The following TAS1R3 variants were observed in gnomAD, a reference collection of about 807,000 sequenced individuals.
TAS1R3 encodes taste 1 receptor member 3, also known as taste receptor type 1 member 3.
Under a neutral mutation model 46.1 loss-of-function variants are expected in TAS1R3, and 58 were observed. That is an observed-to-expected ratio of 1.26 (90% CI 1.02 to 1.57). The LOEUF is 1.57. Ranked by LOEUF, TAS1R3 falls within the 40% of genes most tolerant of loss-of-function variation. The pLI is 0.00. For synonymous variants in TAS1R3, 724 were observed against 544.7 expected, an observed-to-expected ratio of 1.33 and a Z score of -4.58; for missense variants, 1,422 against 1,185.8, an observed-to-expected ratio of 1.20 and a Z score of -2.93.
Position 1,332,739 on chromosome 1 carries a change from C to G in TAS1R3, c.1208C>G (p.Ala403Gly). 1 of 1,604,974 alleles carries G rather than the reference C, an allele frequency of 6.2e-7. No homozygotes were observed. Among genetic ancestry groups the G allele is most frequent in the Non-Finnish European group, 8.5e-7 (1 of 1,179,904 alleles). The change falls in exon 3 of 6, where the codon GCC (alanine) becomes GGC (glycine). Residue 403 changes from alanine to glycine, a missense_variant. Transcript: ENST00000339381. ...GCAGCTGTGTATAGCGTGGCCCAGG[C>G]CCTGCACAACACTCTTCAGTGCAAC... is the stretch of plus-strand genomic sequence containing the variant. Reference protein sequence around the residue: ...VYAAVYSVAQALHNTLQCNAS... With the variant: ...VYAAVYSVAQGLHNTLQCNAS...
At chr1:1,331,611 G>C (rs769432976) in intron 1 of TAS1R3, 27 bp from the exon 2 acceptor site, 2 of 1,606,188 alleles carry the variant, frequency 1.2e-6, no homozygotes, top group Non-Finnish European at 1.7e-6. Flanking sequence ...GGCCGAGGTG[G>C]CCATCTGCGG....
chr1:1,333,081 G>C lies in TAS1R3; in HGVS notation c.1436G>C (p.Arg479Thr). The C allele has an allele frequency of 6.2e-7, 1 of 1,612,590 alleles. No homozygotes were observed. The highest frequency in any genetic ancestry group is 2.2e-5 in the East Asian group (1 of 44,874). ...GTGGGCAGGTTCAACGGCAGCCTCAGGACAGAGCGCCTGAAGATCCGCTGG... is the reference window on the plus strand; with the variant it reads ...GTGGGCAGGTTCAACGGCAGCCTCACGACAGAGCGCCTGAAGATCCGCTGG... ...HDVGRFNGSLRTERLKIRWHT... is the reference protein window; with the variant it reads ...HDVGRFNGSLTTERLKIRWHT... The change falls in exon 4 of 6, where the codon AGG becomes ACG. Residue 479 changes from arginine (R) to threonine (T), a missense_variant. Arg to Thr is a moderately conservative substitution (Grantham distance 71). Transcript: ENST00000339381.
intron 5 of TAS1R3, 49 bp from the exon 6 acceptor site, chr1:1,333,457 G>A (rs187886354): frequency 3.1e-4 from 498 of 1,603,800 alleles, no homozygotes; most frequent in Non-Finnish European, 4.0e-4. Flanking sequence ...TGAGACCAGA[G>A]CCCACAGGGT....
At position 1,332,225 on chromosome 1, in the gene TAS1R3, G is replaced by C. The variant is rs1446807517; in HGVS notation, c.694G>C (p.Ala232Pro). Residue 232 changes from alanine (A) to proline (P), a missense_variant, in exon 3 of 6, where the codon GCA (alanine) becomes CCA (proline). Coordinates refer to ENST00000339381, the MANE Select transcript of TAS1R3 (RefSeq NM_152228.3). ...GLSIFSALAAARGICIAHEGL... is the reference protein window; with the variant it reads ...GLSIFSALAAPRGICIAHEGL... ...GAGCATCTTCTCGGCCCTGGCCGCG[G>C]CACGCGGCATCTGCATCGCGCACGA... The C allele has an allele frequency of 3.8e-6, 6 of 1,592,604 alleles. No homozygotes were observed. The highest frequency in any genetic ancestry group is 4.3e-6 in the Non-Finnish European group (5 of 1,175,540).
chr1:1,334,854 C>T lies in TAS1R3; in HGVS notation c.*390C>T, dbSNP rs1643520295. ...GCCCTGCCGACCTGACCATGTCCCA[C>T]CAGGGCCCCCATCCTGCACCCTGCC... On this transcript the variant is annotated 3_prime_UTR_variant, in exon 6 of 6. Transcript: ENST00000339381. The T allele has an allele frequency of 1.6e-5, 3 of 188,224 alleles. No individual in the cohort carries two copies. Among genetic ancestry groups the T allele is most frequent in the Non-Finnish European group, 2.2e-5 (2 of 90,966 alleles). The allele number at this position is 188,224 out of a possible 1,614,324, so 11.7% of individuals were successfully genotyped here. A position where few individuals can be genotyped will look rare whatever the true frequency, so the allele number is the denominator to read the frequency against.
chr1:1,331,494 G>C lies in TAS1R3; in HGVS notation c.149G>C (p.Gly50Ala), dbSNP rs1298017041. 6.2e-7 allele frequency: 1 copy of C among 1,604,850 alleles called. No homozygotes were observed. Among genetic ancestry groups the C allele is most frequent in the Non-Finnish European group, 8.5e-7 (1 of 1,176,450 alleles). Residue 50 changes from glycine to alanine, a missense_variant, in exon 1 of 6, where the codon GGC (glycine) becomes GCC (alanine). By Grantham distance (60) the Gly-to-Ala change is moderately conservative. Coordinates refer to ENST00000339381, the MANE Select transcript of TAS1R3 (RefSeq NM_152228.3). ...CCCCTGGGCGAGGCCGAGGAGGCTG[G>C]CCTCCGCAGCCGGACACGGCCCAGC... The part of the protein sequence containing the change: ...LFPLGEAEEA[G>A]LRSRTRPSSP...
rs76755863 is a variant in TAS1R3, at chr1:1,331,358, G to A, written c.13G>A (p.Ala5Thr). Residue 5 changes from alanine (A) to threonine (T), a missense_variant, in exon 1 of 6, where the codon GCT becomes ACT. Transcript: ENST00000339381. ...AGTTGCCTCTGCCATGCTGGGCCCTGCTGTCCTGGGCCTCAGCCTCTGGGC... is the reference window on the plus strand; with the variant it reads ...AGTTGCCTCTGCCATGCTGGGCCCTACTGTCCTGGGCCTCAGCCTCTGGGC... Reference protein sequence around the residue: MLGPAVLGLSLWALL... With the variant: MLGPTVLGLSLWALL... 0.061 allele frequency: 97,071 copies of A among 1,587,212 alleles called. 3,474 individuals carry two copies. The highest frequency in any genetic ancestry group is 0.074 in the Non-Finnish European group (86,537 of 1,167,506).
At position 1,334,704 on chromosome 1, in the gene TAS1R3, G is replaced by A. The variant is rs572686942; in HGVS notation, c.*240G>A. 202 of 510,860 alleles carry A rather than the reference G, an allele frequency of 4.0e-4. No individual in the cohort carries two copies. Among genetic ancestry groups the A allele is most frequent in the African/African-American group, 1.6e-3 (85 of 52,284 alleles). The allele number at this position is 510,860 out of a possible 1,614,324, so 31.6% of individuals were successfully genotyped here. On this transcript the variant is annotated 3_prime_UTR_variant, in exon 6 of 6. Transcript: ENST00000339381. ...TCTGTGCCCAGACCAGGCCTGCCCA[G>A]GTAACCCAGACCCACTGTTCTGGAA...
At position 1,332,279 on chromosome 1, in the gene TAS1R3, G is replaced by T; in HGVS notation, c.748G>T (p.Asp250Tyr). ...EGLVPLPRAD[D>Y]SRLGKVQDVL... is the part of the protein sequence containing the mutation. ...CCTGGTGCCGCTGCCCCGTGCCGATGACTCGCGGCTGGGGAAGGTGCAGGA... is the reference window on the plus strand; with the variant it reads ...CCTGGTGCCGCTGCCCCGTGCCGATTACTCGCGGCTGGGGAAGGTGCAGGA... Residue 250 changes from aspartate to tyrosine, a missense_variant, in exon 3 of 6, where the codon GAC (aspartate) becomes TAC (tyrosine). Coordinates refer to ENST00000339381, the MANE Select transcript of TAS1R3 (RefSeq NM_152228.3). 1 of 1,603,716 alleles carries T rather than the reference G, an allele frequency of 6.2e-7. No homozygotes were observed. The highest frequency in any genetic ancestry group is 1.1e-5 in the South Asian group (1 of 90,638).
rs1426489155 is a variant in TAS1R3 at position 1,333,799 on chromosome 1, C to T, written c.1894C>T (p.Arg632Ter). Residue 632 changes from arginine (R) to a stop codon, truncating the protein, a stop_gained, in exon 6 of 6, where the codon CGA becomes TGA. Transcript: ENST00000339381. LOFTEE classifies it low-confidence loss of function (END_TRUNC). ...GTTCCCTGGCCAGCCCAGCCCTGCC[C>T]GATGCCTGGCCCAGCAGCCCTTGTC... ...LLFPGQPSPA[R>*]CLAQQPLSHL... 45 of 1,594,948 alleles carry T rather than the reference C, an allele frequency of 2.8e-5. No individual in the cohort carries two copies. The highest frequency in any genetic ancestry group is 3.3e-5 in the South Asian group (3 of 89,940).
chr1:1,332,611 T>A lies in TAS1R3; in HGVS notation c.1080T>A (p.Gly360=), dbSNP rs767688965. ...FCSALGEREQ[G]LEEDVVGQRC... ...CTGCCCTGGGCGAGAGGGAGCAGGGTCTGGAGGAGGACGTGGTGGGCCAGC... is the reference window on the plus strand; with the variant it reads ...CTGCCCTGGGCGAGAGGGAGCAGGGACTGGAGGAGGACGTGGTGGGCCAGC... The change falls in exon 3 of 6, where the codon GGT becomes GGA. Residue 360 remains glycine (G), a synonymous_variant. Coordinates refer to ENST00000339381, the MANE Select transcript of TAS1R3 (RefSeq NM_152228.3). 6.2e-7 allele frequency: 1 copy of A among 1,610,666 alleles called. No homozygotes were observed.
Position 1,332,566 on chromosome 1 carries a change from C to T in TAS1R3, c.1035C>T (p.Ala345=). The T allele has an allele frequency of 6.2e-7, 1 of 1,611,702 alleles. No homozygotes were observed. The highest frequency in any genetic ancestry group is 8.5e-7 in the Non-Finnish European group (1 of 1,179,960). The change falls in exon 3 of 6, where the codon GCC becomes GCT. Residue 345 remains alanine, a synonymous_variant. Coordinates refer to ENST00000339381, the MANE Select transcript of TAS1R3 (RefSeq NM_152228.3). The part of the protein sequence containing the change: ...PQYVKTHLAL[A]TDPAFCSALG... ...ACGTGAAGACGCACCTGGCCCTGGC[C>T]ACCGACCCGGCCTTCTGCTCTGCCC...
rs762705846 is a variant in TAS1R3, at chr1:1,334,411, G to T, written c.2506G>T (p.Asp836Tyr). Residue 836 changes from aspartate to tyrosine, a missense_variant, in exon 6 of 6, where the codon GAT becomes TAT. Transcript: ENST00000339381. ...PEFFLGGGPG[D>Y]AQGQNDGNTG... is the part of the protein sequence containing the mutation. ...GTTCTTCCTGGGAGGGGGCCCTGGGGATGCCCAAGGCCAGAATGACGGGAA... is the reference window on the plus strand; with the variant it reads ...GTTCTTCCTGGGAGGGGGCCCTGGGTATGCCCAAGGCCAGAATGACGGGAA... The T allele has an allele frequency of 7.5e-6, 12 of 1,604,678 alleles. No individual in the cohort carries two copies. The African/African-American group carries it at 1.3e-4, about 18-fold the overall frequency.
Position 1,331,954 on chromosome 1 carries a change from C to A in TAS1R3, c.492+16C>A. The A allele has an allele frequency of 6.3e-7, 1 of 1,584,030 alleles. No individual in the cohort carries two copies. The highest frequency in any genetic ancestry group is 1.1e-5 in the South Asian group (1 of 90,388). On this transcript the variant is annotated intron_variant, in intron 2 of 5. Coordinates refer to ENST00000339381, the MANE Select transcript of TAS1R3 (RefSeq NM_152228.3). ...CATGCCCCAGGTGGGCGCCCCCCAC[C>A]ATCACCCACCCCCACCCAGCCCTGC... is the stretch of plus-strand genomic sequence containing the variant.
In TAS1R3 at chr1:1,331,814, G is replaced by T; in HGVS notation, c.368G>T (p.Arg123Leu). The T allele has an allele frequency of 6.2e-7, 1 of 1,612,862 alleles. No homozygotes were observed. Among genetic ancestry groups the T allele is most frequent in the Middle Eastern group, 1.6e-4 (1 of 6,062 alleles). ...ATGTTCCTGGCCAAGGCAGGCAGCC[G>T]CGACATCGCCGCCTACTGCAACTAC... ...SLMFLAKAGS[R>L]DIAAYCNYTQ... Residue 123 changes from arginine (R) to leucine (L), a missense_variant, in exon 2 of 6, where the codon CGC becomes CTC. By Grantham distance (102) the Arg-to-Leu change is moderately radical (BLOSUM62 -2). Transcript: ENST00000339381.
rs200623974 is a variant in TAS1R3, at chr1:1,333,387, G to A, written c.1600+8G>A. 99 of 1,611,542 alleles carry A rather than the reference G, an allele frequency of 6.1e-5. No homozygotes were observed. In the African/African-American group the frequency reaches 6.5e-4, roughly 11 times the overall value. ...GCTACCGGCAAAACCCAGGTGAGCC[G>A]CCTTCCCGGCAGGCGGGGGTGGGAA... On this transcript the variant is annotated splice_region_variant and intron_variant, in intron 5 of 5. Coordinates refer to ENST00000339381, the MANE Select transcript of TAS1R3 (RefSeq NM_152228.3).
rs76584377 is a variant in TAS1R3, at chr1:1,331,911, G to A, written c.465G>A (p.Lys155=). 1.1e-5 allele frequency: 18 copies of A among 1,612,214 alleles called. No homozygotes were observed. Among genetic ancestry groups the A allele is most frequent in the Non-Finnish European group, 1.4e-5 (17 of 1,179,480 alleles). Residue 155 remains lysine (K), a synonymous_variant, in exon 2 of 6, where the codon AAG becomes AAA. Transcript: ENST00000339381. ...CAGAGCTCGCCATGGTCACCGGCAAGTTCTTCAGCTTCTTCCTCATGCCCC... is the reference window on the plus strand; with the variant it reads ...CAGAGCTCGCCATGGTCACCGGCAAATTCTTCAGCTTCTTCCTCATGCCCC... ...HSSELAMVTG[K]FFSFFLMPQV...
chr1:1,334,171 G>A lies in TAS1R3; in HGVS notation c.2266G>A (p.Gly756Ser), dbSNP rs772453723. Residue 756 changes from glycine (G) to serine (S), a missense_variant, in exon 6 of 6, where the codon GGC becomes AGC. Gly to Ser is a moderately conservative substitution (Grantham distance 56). Transcript: ENST00000339381. ...LGTFLVRSQP[G>S]CYNRARGLTF... ...CACTTTCCTGGTGCGGAGCCAGCCGGGCTGCTACAACCGTGCCCGTGGCCT... is the reference window on the plus strand; with the variant it reads ...CACTTTCCTGGTGCGGAGCCAGCCGAGCTGCTACAACCGTGCCCGTGGCCT... 5 of 1,592,730 alleles carry A rather than the reference G, an allele frequency of 3.1e-6. No individual in the cohort carries two copies. The highest frequency in any genetic ancestry group is 4.3e-6 in the Non-Finnish European group (5 of 1,169,822).
At position 1,333,782 on chromosome 1, in the gene TAS1R3, G is replaced by A; in HGVS notation, c.1877G>A (p.Gly626Asp). 6.3e-7 allele frequency: 1 copy of A among 1,593,704 alleles called. No homozygotes were observed. Among genetic ancestry groups the A allele is most frequent in the South Asian group, 1.1e-5 (1 of 89,690 alleles). Residue 626 changes from glycine (G) to aspartate (D), a missense_variant, in exon 6 of 6, where the codon GGC (glycine) becomes GAC (aspartate). Physicochemically the swap from Gly to Asp is moderately conservative, Grantham distance 94. Coordinates refer to ENST00000339381, the MANE Select transcript of TAS1R3 (RefSeq NM_152228.3). ...LVCLSVLLFP[G>D]QPSPARCLAQ... The stretch of plus-strand genomic sequence containing the variant: ...TGCCTCAGCGTCCTCCTGTTCCCTG[G>A]CCAGCCCAGCCCTGCCCGATGCCTG...
Sources: allele counts gnomAD v4.1 joint callset, GRCh38; gene constraint gnomAD v4.1.1; transcripts MANE v1.5; gene names NCBI Gene and HGNC (gene_info 2026-07-23, HGNC 2026-07-21).